The following TRRAP variants were observed in gnomAD, a reference collection of about 807,000 sequenced individuals.
TRRAP encodes the protein transformation/transcription domain-associated protein.
In TRRAP, 41 loss-of-function variants were observed where a neutral mutation model predicts 438.8. That is an observed-to-expected ratio of 0.09 (90% CI 0.07 to 0.12). TRRAP has a LOEUF of 0.12. TRRAP is among the 10% of genes least tolerant of loss of function. The pLI is 1.00. For missense variants in TRRAP, 3,122 were observed against 5,055.1 expected, an observed-to-expected ratio of 0.62 and a Z score of 11.60; for synonymous variants, 1,994 against 1,962.9, an observed-to-expected ratio of 1.02 and a Z score of -0.42.
intron 1 of TRRAP, among the ~76,000 whole-genome samples, chr7:98,880,833 G>A (rs1377029818): frequency 2.0e-5 from 3 of 152,092 alleles, no homozygotes; most frequent in African/African-American, 7.2e-5. Flanking sequence ...TACAGAAAAT[G>A]TTTGCCAACC....
In TRRAP at chr7:99,011,011, CAGTG is replaced by C. The variant is rs767495525; in HGVS notation, c.10939-34_10939-31del. 5.5e-5 allele frequency: 87 copies of C among 1,571,688 alleles called. No individual in the cohort carries two copies. Among genetic ancestry groups the C allele is most frequent in the Non-Finnish European group, 7.2e-5 (83 of 1,152,166 alleles). ...AGAATTTTTCTTTTCCAAAAAAAAT[CAGTG>C]AGTGAGATGGGAGTGTCACGGAGCG... On this transcript the variant is annotated intron_variant, in intron 70 of 72. Coordinates refer to ENST00000456197, the MANE Select transcript of TRRAP (RefSeq NM_001375524.1). The surrounding 1 kb of genome is among the most constrained non-coding windows in gnomAD (Gnocchi z 7.1).
intron 62 of TRRAP, among the ~76,000 whole-genome samples, chr7:98,987,351 C>T (rs557709029): frequency 6.6e-5 from 10 of 152,180 alleles, no homozygotes; most frequent in East Asian, 1.9e-4. Flanking sequence ...TTTGTGAACA[C>T]GAGATGTCTT....
intron 39 of TRRAP, among the ~76,000 whole-genome samples, chr7:98,952,137 A>G (rs1400424383): frequency 2.0e-5 from 3 of 152,170 alleles, no homozygotes; most frequent in Non-Finnish European, 4.4e-5. Flanking sequence ...AATTATTAAG[A>G]CCTGGTAGAC....
intron 23 of TRRAP, among the ~76,000 whole-genome samples, chr7:98,929,769 T>A (rs1790236232): frequency 2.6e-5 from 4 of 152,090 alleles, no homozygotes; most frequent in Admixed American, 2.6e-4. Flanking sequence ...AATTTTTGTA[T>A]TTTTAGTAGA....
At chr7:99,002,855 G>A (rs1050432288) in intron 67 of TRRAP, among the ~76,000 whole-genome samples, 1 of 152,228 alleles carries the variant, frequency 6.6e-6, no homozygotes, top group Non-Finnish European at 1.5e-5. Flanking sequence ...GGCAGGGATG[G>A]TCAGGCCACT....
Position 98,967,062 on chromosome 7 carries a change from T to G in TRRAP, c.7198T>G (p.Ser2400Ala). 1 of 1,613,828 alleles carries G rather than the reference T, an allele frequency of 6.2e-7. No individual in the cohort carries two copies. Among genetic ancestry groups the G allele is most frequent in the Non-Finnish European group, 8.5e-7 (1 of 1,179,890 alleles). The change falls in exon 50 of 73, where the codon TCC (serine) becomes GCC (alanine). Residue 2400 changes from serine to alanine, a missense_variant. Physicochemically the swap from Ser to Ala is moderately conservative, Grantham distance 99. This residue lies in a region of TRRAP where 992 missense variants were observed against 1,281.2 expected (regional missense o/e 0.77). Transcript: ENST00000456197. The stretch of plus-strand genomic sequence containing the variant: ...ACAGACACCTACACTCCGGGAGAAG[T>G]CCATTTTGCTTGTGAAGATGATGAC... ...ANQTPTLREK[S>A]ILLVKMMTYI...
chr7:98,959,815 C>G (rs1006158761), intron 45 of TRRAP, among the ~76,000 whole-genome samples: 1 of 151,806 alleles, frequency 6.6e-6, no homozygotes, highest in Non-Finnish European at 1.5e-5. Flanking sequence ...GTAGTCCCAG[C>G]TACTTAGAAG....
At chr7:98,899,851 A>G (rs1796394728) in intron 10 of TRRAP, 84 bp downstream of exon 10, 8 of 1,462,708 alleles carry the variant, frequency 5.5e-6, no homozygotes, top group Non-Finnish European at 5.7e-6. Flanking sequence ...AAGACATGAA[A>G]ATTATGAGTG....
chr7:98,976,155 G>T lies in TRRAP; in HGVS notation c.7846G>T (p.Ala2616Ser). The change falls in exon 54 of 73, where the codon GCG becomes TCG. Residue 2616 changes from alanine (A) to serine (S), a missense_variant. Ala to Ser is a moderately conservative substitution (Grantham distance 99, BLOSUM62 1). Coordinates refer to ENST00000456197, the MANE Select transcript of TRRAP (RefSeq NM_001375524.1). The surrounding 1 kb of genome is among the most constrained non-coding windows in gnomAD (Gnocchi z 4.6). ...LDTLREVKTG[A>S]LLSAFVQLCH... ...GTTGTCTTTCTGTTCATAGACTGGA[G>T]CGCTGCTCAGCGCTTTCGTTCAGCT... 1 of 1,613,916 alleles carries T rather than the reference G, an allele frequency of 6.2e-7. No individual in the cohort carries two copies.
chr7:98,879,529 G>C (rs1795323786), intron 1 of TRRAP, among the ~76,000 whole-genome samples: 1 of 152,008 alleles, frequency 6.6e-6, no homozygotes, highest in Non-Finnish European at 1.5e-5. Flanking sequence ...GATGGATAGG[G>C]AGAGACCGTG....
Position 98,908,929 on chromosome 7 carries a change from C to T in TRRAP, c.1317C>T (p.Gly439=), listed in dbSNP as rs1397425872. ...GTTCCAAGAGCGAGCAGGAGAGTGG[C>T]AATGGGAGAGACGTCCTGATGCGGA... is the stretch of plus-strand genomic sequence containing the variant. The part of the protein sequence containing the change: ...CIRSKSEQES[G]NGRDVLMRML... The change falls in exon 14 of 73, where the codon GGC becomes GGT. Residue 439 remains glycine, a synonymous_variant. Transcript: ENST00000456197. This position sits in a 1 kb window ranked among gnomAD's most constrained non-coding sequence, Gnocchi z 4.1. The T allele has an allele frequency of 6.2e-7, 1 of 1,613,660 alleles. No individual in the cohort carries two copies. Among genetic ancestry groups the T allele is most frequent in the African/African-American group, 1.3e-5 (1 of 74,872 alleles).
chr7:98,977,669 T>C (rs925475221), intron 56 of TRRAP, among the ~76,000 whole-genome samples: 16 of 152,226 alleles, frequency 1.1e-4, no homozygotes, highest in Admixed American at 9.8e-4. Context: ...TGCTTACGTT[T>C]TACTCCCTGT....
intron 2 of TRRAP, 154 bp from the exon 3 acceptor site, chr7:98,881,820 GT>G (rs1795451322): frequency 1.4e-6 from 1 of 697,116 alleles, no homozygotes; most frequent in African/African-American, 1.8e-5. Flanking sequence ...GGTGCGACTG[GT>G]TGTAGGGAAC....
In TRRAP at chr7:98,931,578, T is replaced by C. The variant is rs782519936; in HGVS notation, c.3765T>C (p.Thr1255=). The change falls in exon 26 of 73, where the codon ACT becomes ACC. Residue 1255 remains threonine, a synonymous_variant. Transcript: ENST00000456197. ...GAGAAGTCACCTCTCCAAACTCCACTGTGAGGAAGCAGGCCATGCATTCGC... is the reference window on the plus strand; with the variant it reads ...GAGAAGTCACCTCTCCAAACTCCACCGTGAGGAAGCAGGCCATGCATTCGC... The part of the protein sequence containing the change: ...LVREVTSPNS[T]VRKQAMHSLQ... 1 of 1,614,196 alleles carries C rather than the reference T, an allele frequency of 6.2e-7. No homozygotes were observed. The highest frequency in any genetic ancestry group is 8.5e-7 in the Non-Finnish European group (1 of 1,180,046).
chr7:98,964,918 C>T (rs958512823), intron 48 of TRRAP, 143 bp downstream of exon 48: 10 of 1,108,022 alleles, frequency 9.0e-6, no homozygotes, highest in East Asian at 2.9e-5. Context: ...ACCATTTGCT[C>T]TTCAATGTAG....
chr7:98,961,215 T>C, intron 45 of TRRAP, 46 bp from the exon 46 acceptor site: 4 of 1,587,358 alleles, frequency 2.5e-6, no homozygotes, highest in Non-Finnish European at 2.6e-6. Context: ...TTTGTTGTCA[T>C]TGAGTGTTTG....
At chr7:98,894,786 T>A in intron 6 of TRRAP, among the ~76,000 whole-genome samples, 1 of 26,434 alleles carries the variant, frequency 3.8e-5, no homozygotes, top group East Asian at 9.3e-4. Context: ...GCTAATGGTT[T>A]TTTTTTTTTT....
intron 3 of TRRAP, 82 bp from the exon 4 acceptor site, chr7:98,890,253 T>C: frequency 1.1e-6 from 1 of 876,630 alleles, no homozygotes; most frequent in Non-Finnish European, 1.6e-6. Flanking sequence ...TTTATATTCC[T>C]TTGCAGTTAT....
At chr7:98,919,475 G>A (rs184861048) in intron 20 of TRRAP, among the ~76,000 whole-genome samples, 13 of 152,288 alleles carry the variant, frequency 8.5e-5, no homozygotes, top group Non-Finnish European at 1.3e-4. Flanking sequence ...GGTGGTACAT[G>A]CCTGTAGTCC....
Sources: gnomAD v4.1 joint callset for allele counts (sites outside exome capture counted in the v4.1 genomes callset) on GRCh38, gnomAD v4.1.1 for gene constraint, gnomAD v4.1.1 regional missense constraint, Gnocchi (gnomAD v3.1) non-coding constraint, MANE v1.5 for transcripts, NCBI Gene and HGNC (gene_info 2026-07-23, HGNC 2026-07-21) for gene names.